GSE1: variants seen among roughly 807,000 people sequenced by gnomAD.
GSE1 encodes the protein Gse1 coiled-coil protein, also known as genetic suppressor element 1.
In GSE1, 32 loss-of-function variants were observed where a neutral mutation model predicts 112.6. The ratio of observed to expected loss-of-function variants is 0.28; its 90% CI spans 0.21 to 0.38. The LOEUF is 0.38. GSE1 is among the 10% of genes least tolerant of loss of function. The pLI is 1.00. For missense variants in GSE1, 2,348 were observed against 1,699.2 expected (o/e 1.38, Z -6.71); for synonymous variants, 1,115 against 735.6 (o/e 1.52, Z -8.35).
At chr16:85,241,401 C>A (rs188773932) in intron 1 of GSE1, among the ~76,000 whole-genome samples, 49 of 152,334 alleles carry the variant, frequency 3.2e-4, no homozygotes, top group African/African-American at 1.0e-3. Context: ...CACCTTTTCC[C>A]AAGTGGGCAT....
chr16:85,497,925 G>A (rs2051234183), intron 2 of GSE1, among the ~76,000 whole-genome samples: 1 of 152,166 alleles, frequency 6.6e-6, no homozygotes, highest in Non-Finnish European at 1.5e-5. Flanking sequence ...ACCAAAGCCT[G>A]GGGAGCTGAC....
At chr16:85,643,869 C>G (rs2050640724) in intron 2 of GSE1, among the ~76,000 whole-genome samples, 1 of 151,896 alleles carries the variant, frequency 6.6e-6, no homozygotes, top group South Asian at 2.1e-4. Flanking sequence ...ATCATGAGCT[C>G]TTGGCAGCCT....
intron 2 of GSE1, among the ~76,000 whole-genome samples, chr16:85,434,091 A>C (rs908841906): frequency 1.3e-5 from 2 of 152,158 alleles, no homozygotes; most frequent in African/African-American, 4.8e-5. Flanking sequence ...CCAGTATCAA[A>C]GTCTGAAGGA....
intron 8 of GSE1, among the ~76,000 whole-genome samples, chr16:85,659,071 C>G (rs933354604): frequency 6.6e-6 from 1 of 152,370 alleles, no homozygotes; most frequent in African/African-American, 2.4e-5. Context: ...ATTTATTCTC[C>G]TGCAGGTTTC....
intron 1 of GSE1, among the ~76,000 whole-genome samples, chr16:85,577,344 C>T (rs1052137900): frequency 2.6e-5 from 4 of 152,150 alleles, no homozygotes; most frequent in African/African-American, 9.7e-5. Flanking sequence ...GCATTCGGGG[C>T]ACTTGGGTTT....
intron 2 of GSE1, among the ~76,000 whole-genome samples, chr16:85,431,236 C>T (rs2049113529): frequency 6.6e-6 from 1 of 152,174 alleles, no homozygotes; most frequent in African/African-American, 2.4e-5. Flanking sequence ...AGGAGGGAAG[C>T]CCCTGGGGTG....
chr16:85,422,514 G>A (rs115281721), intron 2 of GSE1, among the ~76,000 whole-genome samples: 3,660 of 152,088 alleles, frequency 0.024, 68 homozygotes, highest in African/African-American at 0.054. Context: ...GAGGAGCAGC[G>A]TGCGGGAGTC....
chr16:85,482,700 G>A (rs993136297), intron 2 of GSE1, among the ~76,000 whole-genome samples: 10 of 152,188 alleles, frequency 6.6e-5, no homozygotes, highest in African/African-American at 1.7e-4. Context: ...AAGCTCAGGC[G>A]AGCACAGTGG....
At chr16:85,196,492 A>G (rs1339052196) in intron 1 of GSE1, among the ~76,000 whole-genome samples, 1 of 152,032 alleles carries the variant, frequency 6.6e-6, no homozygotes, top group Admixed American at 6.6e-5. Flanking sequence ...TCTTAATTTG[A>G]GAGAGAAAGA....
At chr16:85,378,600 G>T (rs1216730080) in intron 2 of GSE1, among the ~76,000 whole-genome samples, 1 of 152,192 alleles carries the variant, frequency 6.6e-6, no homozygotes, top group African/African-American at 2.4e-5. Context: ...CGCCCTTCGT[G>T]CTGATTGATT....
At chr16:85,631,402 G>A (rs1347643647) in intron 1 of GSE1, among the ~76,000 whole-genome samples, 1 of 152,264 alleles carries the variant, frequency 6.6e-6, no homozygotes, top group African/African-American at 2.4e-5. Flanking sequence ...GTCACGGGGT[G>A]GCCCTCTGCC....
At position 85,654,980 on chromosome 16, in the gene GSE1, C is replaced by G; in HGVS notation, c.786C>G (p.His262Gln). The change falls in exon 5 of 16, where the codon CAC becomes CAG. Residue 262 changes from histidine to glutamine, a missense_variant. Coordinates refer to ENST00000253458, the MANE Select transcript of GSE1 (RefSeq NM_014615.5). ...ACCTGGCCCCACACCCCTTCCCCCACCCGGCCTTCAGGTGAGGCATCCCCC... is the reference window on the plus strand; with the variant it reads ...ACCTGGCCCCACACCCCTTCCCCCAGCCGGCCTTCAGGTGAGGCATCCCCC... Reference protein sequence around the residue: ...PSYLAPHPFPHPAFRMDDSYC... With the variant: ...PSYLAPHPFPQPAFRMDDSYC... 1 of 1,591,400 alleles carries G rather than the reference C, an allele frequency of 6.3e-7. No individual in the cohort carries two copies. Among genetic ancestry groups the G allele is most frequent in the Non-Finnish European group, 8.6e-7 (1 of 1,168,856 alleles).
At chr16:85,175,223 C>A (rs1355653929) in intron 1 of GSE1, among the ~76,000 whole-genome samples, 2 of 152,176 alleles carry the variant, frequency 1.3e-5, no homozygotes, top group African/African-American at 4.8e-5. Context: ...GGCCCCGGGT[C>A]CCCAGAGAGC....
intron 1 of GSE1, among the ~76,000 whole-genome samples, chr16:85,259,383 C>T (rs1489115283): frequency 6.6e-6 from 1 of 152,192 alleles, no homozygotes; most frequent in Non-Finnish European, 1.5e-5. Flanking sequence ...CCATGGGCTC[C>T]AGGCACCTGA....
At chr16:85,385,140 C>T (rs1322106419) in intron 2 of GSE1, among the ~76,000 whole-genome samples, 2 of 152,246 alleles carry the variant, frequency 1.3e-5, no homozygotes, top group African/African-American at 2.4e-5. Context: ...CACCCTGGGC[C>T]GAGCCACATG....
intron 2 of GSE1, among the ~76,000 whole-genome samples, chr16:85,456,781 G>A (rs373810162): frequency 1.3e-5 from 2 of 152,046 alleles, no homozygotes; most frequent in African/African-American, 4.8e-5. Context: ...CTGCTGTGGC[G>A]ACTCAGGGTC....
At chr16:85,328,096 A>C (rs2046262725) in intron 1 of GSE1, among the ~76,000 whole-genome samples, 1 of 152,218 alleles carries the variant, frequency 6.6e-6, no homozygotes, top group South Asian at 2.1e-4. Context: ...CATTGCATGC[A>C]GTAGGTGCTC....
At chr16:85,647,667 A>ACC (rs1360839544) in intron 2 of GSE1, among the ~76,000 whole-genome samples, 2 of 151,748 alleles carry the variant, frequency 1.3e-5, no homozygotes, top group Non-Finnish European at 2.9e-5. Flanking sequence ...GCTCACCAGA[A>ACC]CCTCCGCCTC....
At chr16:85,459,498 C>T (rs1036037945) in intron 2 of GSE1, among the ~76,000 whole-genome samples, 1 of 152,220 alleles carries the variant, frequency 6.6e-6, no homozygotes, top group African/African-American at 2.4e-5. Flanking sequence ...GCTCCCATCA[C>T]CATCCCATTG....
Sources: gnomAD v4.1 joint callset for allele counts (sites outside exome capture counted in the v4.1 genomes callset) on GRCh38, gnomAD v4.1.1 for gene constraint, MANE v1.5 for transcripts, NCBI Gene and HGNC (gene_info 2026-07-23, HGNC 2026-07-21) for gene names.